Variants in NRXN1 observed in about 807,000 individuals in gnomAD.
NRXN1 encodes the protein neurexin-1.
Under a neutral mutation model 150.9 loss-of-function variants are expected in NRXN1, and 39 were observed. The observed-to-expected ratio is 0.26, with a 90% CI of 0.20 to 0.34. The LOEUF is 0.34. Ranked by LOEUF, NRXN1 falls within the 10% of genes least tolerant of loss-of-function variation. The pLI is 1.00. For synonymous variants in NRXN1, 924 were observed against 757.0 expected, an observed-to-expected ratio of 1.22 and a Z score of -3.62; for missense variants, 1,815 against 1,949.9, an observed-to-expected ratio of 0.93 and a Z score of 1.30.
At chr2:50,264,976 T>A (rs748371310) in intron 17 of NRXN1, among the ~76,000 whole-genome samples, 1 of 152,150 alleles carries the variant, frequency 6.6e-6, no homozygotes, top group Non-Finnish European at 1.5e-5. Flanking sequence ...AATAGGAGTT[T>A]AAAATAATTG....
intron 18 of NRXN1, among the ~76,000 whole-genome samples, chr2:50,173,413 G>C (rs2060148776): frequency 6.6e-6 from 1 of 152,194 alleles, no homozygotes; most frequent in Admixed American, 6.5e-5. Context: ...AATCATCAGA[G>C]TAGTGATTAA....
At chr2:50,278,700 G>C (rs1205257174) in intron 17 of NRXN1, among the ~76,000 whole-genome samples, 1 of 152,034 alleles carries the variant, frequency 6.6e-6, no homozygotes, top group Non-Finnish European at 1.5e-5. Flanking sequence ...GCCTTACTGA[G>C]AAAAGAACCC....
chr2:50,938,224 T>C (rs1291161398), intron 2 of NRXN1, among the ~76,000 whole-genome samples: 4 of 152,158 alleles, frequency 2.6e-5, no homozygotes, highest in Non-Finnish European at 5.9e-5. Flanking sequence ...ATAAACATGG[T>C]ACATTTAAGC....
chr2:50,579,265 G>C (rs938036850), intron 8 of NRXN1, among the ~76,000 whole-genome samples: 1 of 152,158 alleles, frequency 6.6e-6, no homozygotes. Flanking sequence ...GGATGGGATT[G>C]ATTACATTTT....
intron 21 of NRXN1, among the ~76,000 whole-genome samples, chr2:50,012,385 T>A (rs1685842927): frequency 6.6e-6 from 1 of 152,114 alleles, no homozygotes; most frequent in Non-Finnish European, 1.5e-5. Context: ...TGTGTTTCTC[T>A]TTGTTTAAGA....
At chr2:50,757,030 G>A (rs1701226434) in intron 5 of NRXN1, among the ~76,000 whole-genome samples, 1 of 151,780 alleles carries the variant, frequency 6.6e-6, no homozygotes, top group South Asian at 2.1e-4. Context: ...AACGTGCTTT[G>A]TTTTTAAATG....
At chr2:50,434,200 G>C (rs551226934) in intron 17 of NRXN1, among the ~76,000 whole-genome samples, 23 of 151,454 alleles carry the variant, frequency 1.5e-4, no homozygotes, top group Non-Finnish European at 3.4e-4. Context: ...GCTGGGACTA[G>C]AGGCGCCCGC....
At chr2:50,547,967 T>C (rs980081347) in intron 9 of NRXN1, among the ~76,000 whole-genome samples, 3 of 152,126 alleles carry the variant, frequency 2.0e-5, no homozygotes, top group African/African-American at 7.2e-5. Flanking sequence ...ATGTTAGAAA[T>C]AACCAGTTAC....
chr2:49,961,312 G>A (rs898604327), intron 21 of NRXN1, among the ~76,000 whole-genome samples: 2 of 146,792 alleles, frequency 1.4e-5, no homozygotes, highest in South Asian at 2.2e-4. Flanking sequence ...AAATGCCTGC[G>A]CACGCATGCA....
At chr2:50,128,819 T>A (rs950508627) in intron 18 of NRXN1, among the ~76,000 whole-genome samples, 1 of 151,368 alleles carries the variant, frequency 6.6e-6, no homozygotes, top group Non-Finnish European at 1.5e-5. Flanking sequence ...CACATCTCTA[T>A]TAAAACTACA....
At chr2:50,605,940 C>T (rs1677037629) in intron 8 of NRXN1, among the ~76,000 whole-genome samples, 2 of 151,974 alleles carry the variant, frequency 1.3e-5, no homozygotes, top group Non-Finnish European at 2.9e-5. Context: ...GTGGTATATA[C>T]ATACAAGGGA....
At chr2:49,983,704 C>T (rs62134607) in intron 21 of NRXN1, among the ~76,000 whole-genome samples, 74,080 of 151,912 alleles carry the variant, frequency 0.49, 18,517 homozygotes, top group Middle Eastern at 0.61. Context: ...AGATTAGAAA[C>T]CACCTGTGGA....
At chr2:50,838,543 C>A (rs1291289129) in intron 5 of NRXN1, among the ~76,000 whole-genome samples, 2 of 152,000 alleles carry the variant, frequency 1.3e-5, no homozygotes, top group Non-Finnish European at 2.9e-5. Flanking sequence ...AACGTCTCTA[C>A]AAATGTTAAA....
At chr2:50,089,284 G>C (rs2152694254) in intron 19 of NRXN1, among the ~76,000 whole-genome samples, 1 of 152,276 alleles carries the variant, frequency 6.6e-6, no homozygotes, top group Middle Eastern at 3.4e-3. Context: ...AATAGTAACA[G>C]GATTTATCAT....
intron 17 of NRXN1, among the ~76,000 whole-genome samples, chr2:50,403,259 G>T (rs1246797306): frequency 6.6e-6 from 1 of 152,110 alleles, no homozygotes; most frequent in African/African-American, 2.4e-5. Context: ...AGGAGATTAA[G>T]GTGCTCCTTG....
intron 5 of NRXN1, among the ~76,000 whole-genome samples, chr2:50,678,599 C>T (rs1559112834): frequency 6.6e-6 from 1 of 152,140 alleles, no homozygotes; most frequent in African/African-American, 2.4e-5. Flanking sequence ...ACATTTGGAC[C>T]TTTAATGACT....
chr2:50,506,768 A>C, intron 12 of NRXN1, 151 bp from the exon 13 acceptor site: 4 of 780,594 alleles, frequency 5.1e-6, no homozygotes, highest in Non-Finnish European at 7.9e-6. Context: ...GAGGGAGAGA[A>C]AGGAAACAGA....
At chr2:49,935,169 C>T (rs1027642111) in intron 22 of NRXN1, among the ~76,000 whole-genome samples, 1 of 152,158 alleles carries the variant, frequency 6.6e-6, no homozygotes, top group African/African-American at 2.4e-5. Context: ...TTTATCAGTA[C>T]AGCAATGTCA....
At chr2:50,887,382 G>A (rs1053129780) in intron 5 of NRXN1, among the ~76,000 whole-genome samples, 1 of 151,380 alleles carries the variant, frequency 6.6e-6, no homozygotes, top group Non-Finnish European at 1.5e-5. Flanking sequence ...CTGTTTCATT[G>A]AGAAAGCTGG....
Sources: allele counts gnomAD v4.1 joint callset (sites outside exome capture counted in the v4.1 genomes callset), GRCh38; gene constraint gnomAD v4.1.1; transcripts MANE v1.5; gene names NCBI Gene and HGNC (gene_info 2026-07-23, HGNC 2026-07-21).